The following MAP4K3 variants were observed in gnomAD, a reference collection of about 807,000 sequenced individuals.
The protein encoded by MAP4K3 is MAPK/ERK kinase kinase kinase 3.
In MAP4K3, 94 loss-of-function variants were observed where a neutral mutation model predicts 143.5. The ratio of observed to expected loss-of-function variants is 0.65; its 90% confidence interval spans 0.55 to 0.78. The LOEUF (loss-of-function observed/expected upper bound fraction) is 0.78, where lower values mean the gene tolerates loss of function less well. Among genes scored for constraint, MAP4K3 ranks in the 30% least tolerant of loss-of-function variants. MAP4K3 has a pLI of 0.00. For synonymous variants in MAP4K3, 416 were observed against 347.2 expected, an observed-to-expected ratio of 1.20 and a Z score of -2.20; for missense variants, 1,077 against 1,068.1, an observed-to-expected ratio of 1.01 and a Z score of -0.12.
intron 29 of MAP4K3, among the ~76,000 whole-genome samples, chr2:39,259,049 G>A (rs527568496): frequency 4.7e-5 from 7 of 148,712 alleles, no homozygotes; most frequent in Non-Finnish European, 8.9e-5. Context: ...CCGAAATGCT[G>A]TGGTGTGATC....
At position 39,374,520 on chromosome 2, in the gene MAP4K3, A is replaced by G. The variant is rs547573118; in HGVS notation, c.154+3546T>C. ...AACACAGTGAAACCCCGTCTCTACT[A>G]AAAATACAAAAATTAGCCGGGCGTG... On this transcript the variant is annotated intron_variant, in intron 2 of 33. Coordinates refer to ENST00000263881, the MANE Select transcript of MAP4K3 (RefSeq NM_003618.4). Among the ~76,000 whole-genome samples, 6 of 152,082 alleles carry G rather than the reference A, an allele frequency of 3.9e-5. No homozygotes were observed. In the East Asian group the frequency reaches 1.2e-3, roughly 29 times the overall value.
At chr2:39,345,749 C>A (rs1378923711) in intron 3 of MAP4K3, among the ~76,000 whole-genome samples, 1 of 151,780 alleles carries the variant, frequency 6.6e-6, no homozygotes, top group Non-Finnish European at 1.5e-5. Flanking sequence ...GAAACCACGT[C>A]TCTACTAAAA....
At chr2:39,356,551 G>A (rs1665616037) in intron 2 of MAP4K3, among the ~76,000 whole-genome samples, 1 of 152,184 alleles carries the variant, frequency 6.6e-6, no homozygotes, top group African/African-American at 2.4e-5. Context: ...TTAAAAGCAT[G>A]AACTCTGGTC....
rs150352726 is a variant in MAP4K3, at chr2:39,384,324, T to C, written c.97-6201A>G. Among the ~76,000 whole-genome samples the C allele has an allele frequency of 6.1e-3, 931 of 152,166 alleles. 13 individuals are homozygous for C. Among genetic ancestry groups the C allele is most frequent in the African/African-American group, 0.021 (871 of 41,512 alleles). ...ACTTTGGGAGGCCGAGGTAGGCGGATCACCTGAGGTCAGGAGTTCAAGACC... is the reference window on the plus strand; with the variant it reads ...ACTTTGGGAGGCCGAGGTAGGCGGACCACCTGAGGTCAGGAGTTCAAGACC... On this transcript the variant is annotated intron_variant, in intron 1 of 33. Coordinates refer to ENST00000263881, the MANE Select transcript of MAP4K3 (RefSeq NM_003618.4).
At chr2:39,372,270 G>T (rs561544183) in intron 2 of MAP4K3, among the ~76,000 whole-genome samples, 3 of 151,638 alleles carry the variant, frequency 2.0e-5, no homozygotes, top group Admixed American at 1.3e-4. Flanking sequence ...AAACATTGAT[G>T]TAAGAAATTG....
chr2:39,349,885 T>A (rs1361724573), intron 3 of MAP4K3, among the ~76,000 whole-genome samples: 2 of 152,236 alleles, frequency 1.3e-5, no homozygotes, highest in Non-Finnish European at 2.9e-5. Context: ...CCCTCAGAAC[T>A]AATGATCTAT....
rs140507355 is a variant in MAP4K3 at position 39,251,880 on chromosome 2, T to G, written c.2547A>C (p.Thr849=). 3.2e-5 allele frequency: 51 copies of G among 1,612,716 alleles called. No individual in the cohort carries two copies. The highest frequency in any genetic ancestry group is 4.2e-5 in the Non-Finnish European group (49 of 1,179,210). ...TTCTTGTGCTATCTGAAATTTCTTG[T>G]GTTACCTGTTCAATTAAAACACAAA... is the stretch of plus-strand genomic sequence containing the variant. The part of the protein sequence containing the change: ...QGRSFRSNEV[T]QEISDSTRIF... Residue 849 remains threonine, a synonymous_variant, in exon 33 of 34, where the codon ACA becomes ACC. Transcript: ENST00000263881.
chr2:39,284,750 A>T (rs1416953601), intron 21 of MAP4K3, among the ~76,000 whole-genome samples: 3 of 151,668 alleles, frequency 2.0e-5, no homozygotes, highest in Non-Finnish European at 4.4e-5. Flanking sequence ...AGGCTGAGGC[A>T]GGAGAATCAC....
chr2:39,429,342 T>C (rs1665209172), intron 1 of MAP4K3, among the ~76,000 whole-genome samples: 2 of 152,294 alleles, frequency 1.3e-5, no homozygotes. Context: ...TAAAGGTATA[T>C]CATATTCATA....
intron 28 of MAP4K3, among the ~76,000 whole-genome samples, chr2:39,261,596 G>A (rs1680570738): frequency 6.6e-6 from 1 of 152,132 alleles, no homozygotes; most frequent in African/African-American, 2.4e-5. Flanking sequence ...GCTGGAAGTA[G>A]GCATTCCTTA....
intron 16 of MAP4K3, among the ~76,000 whole-genome samples, chr2:39,297,156 C>T (rs1163525333): frequency 1.3e-5 from 2 of 151,200 alleles, no homozygotes; most frequent in South Asian, 2.1e-4. Context: ...TCACTCTTGT[C>T]GCCCAGGCTG....
intron 1 of MAP4K3, among the ~76,000 whole-genome samples, chr2:39,404,587 T>C (rs920567499): frequency 2.0e-5 from 3 of 151,158 alleles, no homozygotes; most frequent in Non-Finnish European, 4.4e-5. Context: ...GGAAGATTTC[T>C]GAGGTTTCTT....
At chr2:39,390,064 C>T (rs1666611180) in intron 1 of MAP4K3, among the ~76,000 whole-genome samples, 1 of 152,066 alleles carries the variant, frequency 6.6e-6, no homozygotes, top group Non-Finnish European at 1.5e-5. Flanking sequence ...TTACGATCAA[C>T]ATCTAAAATA....
intron 21 of MAP4K3, among the ~76,000 whole-genome samples, chr2:39,284,149 ATCTT>A (rs1681661619): frequency 6.6e-6 from 1 of 151,954 alleles, no homozygotes; most frequent in African/African-American, 2.4e-5. Flanking sequence ...TTAGCAAAAC[ATCTT>A]TTTTTGTTGT....
intron 2 of MAP4K3, among the ~76,000 whole-genome samples, chr2:39,363,939 G>A (rs989620374): frequency 7.0e-6 from 1 of 141,874 alleles, no homozygotes; most frequent in Admixed American, 7.3e-5. Flanking sequence ...TGTCTTCAGG[G>A]AAATGCAAAT....
At position 39,345,921 on chromosome 2, in the gene MAP4K3, C is replaced by CAAAA. The variant is rs66729858; in HGVS notation, c.246-2473_246-2470dup. Among the ~76,000 whole-genome samples, 22 of 15,834 alleles carry CAAAA rather than the reference C, an allele frequency of 1.4e-3. 2 individuals carry two copies. The highest frequency in any genetic ancestry group is 3.9e-3 in the African/African-American group (19 of 4,838). 10.4% of individuals were successfully genotyped at this position (15,834 alleles called of 152,430 possible). Reference sequence around the variant, plus strand: ...TGAGTGACAGAGCTAGACTCTGTCTCAAAAAAAAAAAAAAAAAAAAAAAAA... The same window carrying CAAAA: ...TGAGTGACAGAGCTAGACTCTGTCTCAAAAAAAAAAAAAAAAAAAAAAAAAAAAA... On this transcript the variant is annotated intron_variant, in intron 3 of 33. Transcript: ENST00000263881.
intron 24 of MAP4K3, 43 bp downstream of exon 24, chr2:39,278,364 A>G: frequency 8.5e-7 from 1 of 1,174,556 alleles, no homozygotes; most frequent in Non-Finnish European, 1.2e-6. Context: ...TACTTATGGT[A>G]ACTTAAAAAT....
intron 12 of MAP4K3, among the ~76,000 whole-genome samples, chr2:39,322,957 ACT>A (rs1683362787): frequency 6.6e-6 from 1 of 152,168 alleles, no homozygotes; most frequent in African/African-American, 2.4e-5. Flanking sequence ...GGCATAAGCC[ACT>A]GAGCCCACCC....
intron 24 of MAP4K3, among the ~76,000 whole-genome samples, chr2:39,277,594 C>A (rs562893785): frequency 1.3e-5 from 2 of 151,718 alleles, no homozygotes; most frequent in Non-Finnish European, 2.9e-5. Context: ...GGTGGAGTTT[C>A]ACTTTTGTTG....
Sources: gnomAD v4.1 joint callset for allele counts (sites outside exome capture counted in the v4.1 genomes callset) on GRCh38, gnomAD v4.1.1 for gene constraint, MANE v1.5 for transcripts, NCBI Gene and HGNC (gene_info 2026-07-23, HGNC 2026-07-21) for gene names.